Variants in DOLPP1 observed in about 807,000 individuals in gnomAD.
The protein encoded by DOLPP1 is dolichyldiphosphatase 1.
In DOLPP1, 15 loss-of-function variants were observed where a neutral mutation model predicts 34.1. The observed-to-expected ratio is 0.44, with a 90% CI of 0.29 to 0.68. DOLPP1 has a LOEUF of 0.68. Ranked by LOEUF, DOLPP1 falls within the 30% of genes least tolerant of loss-of-function variation. The pLI is 0.12. For synonymous variants in DOLPP1, 130 were observed against 128.2 expected (o/e 1.01, Z -0.10); for missense variants, 249 against 307.1 (o/e 0.81, Z 1.41).
chr9:129,085,596 C>G lies in DOLPP1; in HGVS notation c.441C>G (p.Ala147=). The G allele has an allele frequency of 6.2e-7, 1 of 1,613,064 alleles. No individual in the cohort carries two copies. Among genetic ancestry groups the G allele is most frequent in the African/African-American group, 1.3e-5 (1 of 75,036 alleles). Residue 147 remains alanine, a synonymous_variant, in exon 5 of 8, where the codon GCC becomes GCG. Coordinates refer to ENST00000372546, the MANE Select transcript of DOLPP1 (RefSeq NM_020438.5). This position sits in a 1 kb window ranked among gnomAD's most constrained non-coding sequence, Gnocchi z 7.0. ...HVLSLGLLAV[A]FLVSYSRVYL... The stretch of plus-strand genomic sequence containing the variant: ...TCTCCCTGGGACTCCTCGCTGTGGC[C>G]TTCCTAGTCTCCTACAGCAGGTATG...
At chr9:129,084,100 G>T (rs186512313) in intron 1 of DOLPP1, among the ~76,000 whole-genome samples, 2 of 152,240 alleles carry the variant, frequency 1.3e-5, no homozygotes, top group African/African-American at 4.8e-5. Context: ...GTTTCTGTCC[G>T]AGTCTTCAGT....
chr9:129,085,529 C>T lies in DOLPP1; in HGVS notation c.374C>T (p.Thr125Ile). The T allele has an allele frequency of 6.2e-7, 1 of 1,612,776 alleles. No individual in the cohort carries two copies. Among genetic ancestry groups the T allele is most frequent in the Non-Finnish European group, 8.5e-7 (1 of 1,179,558 alleles). ...FLFLYLRMHQ[T>I]NNARFLDLLW... is the part of the protein sequence containing the mutation. ...GCCTGTTTTCGCAGAATGCACCAAA[C>T]AAACAACGCCAGGTTCCTGGACTTG... Residue 125 changes from threonine (T) to isoleucine (I), a missense_variant, in exon 5 of 8, where the codon ACA (threonine) becomes ATA (isoleucine). Coordinates refer to ENST00000372546, the MANE Select transcript of DOLPP1 (RefSeq NM_020438.5). The surrounding 1 kb of genome is among the most constrained non-coding windows in gnomAD (Gnocchi z 7.0).
chr9:129,089,831 C>A lies in DOLPP1; in HGVS notation c.*824C>A, dbSNP rs925688231. ...CAGTAGCAGTTAGTCTTCATCCCCA[C>A]GTGAACAAAATGGGAAGGAGCCGTG... On this transcript the variant is annotated 3_prime_UTR_variant, in exon 8 of 8. Coordinates refer to ENST00000372546, the MANE Select transcript of DOLPP1 (RefSeq NM_020438.5). This position sits in a 1 kb window ranked among gnomAD's most constrained non-coding sequence, Gnocchi z 4.9. 1.3e-5 allele frequency: 2 copies of A among 152,588 alleles called. No homozygotes were observed. Among genetic ancestry groups the A allele is most frequent in the Non-Finnish European group, 2.9e-5 (2 of 68,076 alleles). 9.5% of individuals were successfully genotyped at this position (152,588 alleles called of 1,614,324 possible).
At chr9:129,083,750 G>A (rs1846932689) in intron 1 of DOLPP1, among the ~76,000 whole-genome samples, 1 of 152,182 alleles carries the variant, frequency 6.6e-6, no homozygotes, top group Non-Finnish European at 1.5e-5. Context: ...GTAGGAGGTA[G>A]GCACTGATAT....
In DOLPP1 at chr9:129,084,768, GGTGA is replaced by G; in HGVS notation, c.177+3_177+6del. On this transcript the variant is annotated splice_donor_variant and splice_donor_region_variant and intron_variant, in intron 2 of 7. Coordinates refer to ENST00000372546, the MANE Select transcript of DOLPP1 (RefSeq NM_020438.5). LOFTEE classifies it high-confidence loss of function. Reference sequence around the variant, plus strand: ...TCATATTTAAGCGGGAGCTGCACACGGTGAGTCTGTCTTGCCCACACCCTCCCCA... The same window carrying G: ...TCATATTTAAGCGGGAGCTGCACACGGTCTGTCTTGCCCACACCCTCCCCA... The G allele has an allele frequency of 4.4e-6, 7 of 1,607,496 alleles. No individual in the cohort carries two copies. The highest frequency in any genetic ancestry group is 6.0e-6 in the Non-Finnish European group (7 of 1,174,444).
intron 7 of DOLPP1, among the ~76,000 whole-genome samples, chr9:129,088,616 A>G (rs1847038422): frequency 6.6e-6 from 1 of 152,064 alleles, no homozygotes; most frequent in African/African-American, 2.4e-5. Context: ...ATAACAACTG[A>G]GCCCACTTGT....
chr9:129,082,406 A>G (rs1846907673), intron 1 of DOLPP1, among the ~76,000 whole-genome samples: 1 of 152,222 alleles, frequency 6.6e-6, no homozygotes. Flanking sequence ...GCCCTGGGCT[A>G]GCTCTGGTTT....
At chr9:129,087,527 A>G (rs756769069) in intron 7 of DOLPP1, among the ~76,000 whole-genome samples, 1 of 152,034 alleles carries the variant, frequency 6.6e-6, no homozygotes, top group Non-Finnish European at 1.5e-5. Context: ...CGTGTTAGCC[A>G]GGATGGTCTC....
In DOLPP1 at chr9:129,081,147, C is replaced by T. The variant is rs374119175; in HGVS notation, c.16C>T (p.Gln6Ter). 2 of 1,609,294 alleles carry T rather than the reference C, an allele frequency of 1.2e-6. No individual in the cohort carries two copies. The highest frequency in any genetic ancestry group is 1.1e-5 in the South Asian group (1 of 90,994). The change falls in exon 1 of 8, where the codon CAG becomes TAG. Residue 6 changes from glutamine (Q) to a stop codon, truncating the protein, a stop_gained. Transcript: ENST00000372546. LOFTEE classifies it high-confidence loss of function. MAADG[Q>*]CSLPASWRPV... is the part of the protein sequence containing the mutation. The stretch of plus-strand genomic sequence containing the variant: ...TCCGGGTAAGATGGCAGCGGACGGA[C>T]AGTGCTCGCTCCCCGCTTCATGGCG...
At chr9:129,086,063 G>A in intron 5 of DOLPP1, 76 bp from the exon 6 acceptor site, 2 of 1,451,562 alleles carry the variant, frequency 1.4e-6, no homozygotes, top group Non-Finnish European at 1.9e-6. Context: ...CTGGGAAGCT[G>A]GCACATGGGC....
At position 129,081,224 on chromosome 9, in the gene DOLPP1, G is replaced by C; in HGVS notation, c.76+17G>C. The stretch of plus-strand genomic sequence containing the variant: ...ATCCTGCAGGTAAAAGGCGGTCCCG[G>C]CTCCAAGGACGCCTTCCCAGGGACG... On this transcript the variant is annotated intron_variant, in intron 1 of 7. Coordinates refer to ENST00000372546, the MANE Select transcript of DOLPP1 (RefSeq NM_020438.5). The C allele has an allele frequency of 6.2e-7, 1 of 1,606,634 alleles. No individual in the cohort carries two copies. Among genetic ancestry groups the C allele is most frequent in the Non-Finnish European group, 8.5e-7 (1 of 1,178,916 alleles).
rs780805137 is a variant in DOLPP1, at chr9:129,085,335, C to G, written c.362+29C>G. ...AGTTTCCACCCCGGTCAGGATGGCCCTGAACTTGCTCAGGCCGAGTTCTGC... is the reference window on the plus strand; with the variant it reads ...AGTTTCCACCCCGGTCAGGATGGCCGTGAACTTGCTCAGGCCGAGTTCTGC... On this transcript the variant is annotated intron_variant, in intron 4 of 7. Coordinates refer to ENST00000372546, the MANE Select transcript of DOLPP1 (RefSeq NM_020438.5). The surrounding 1 kb of genome is among the most constrained non-coding windows in gnomAD (Gnocchi z 7.0). 84 of 1,598,472 alleles carry G rather than the reference C, an allele frequency of 5.3e-5. No homozygotes were observed. The highest frequency in any genetic ancestry group is 7.0e-5 in the Non-Finnish European group (82 of 1,166,072).
At chr9:129,084,816 C>CA in intron 2 of DOLPP1, 48 bp downstream of exon 2, 1 of 1,443,126 alleles carries the variant, frequency 6.9e-7, no homozygotes, top group Non-Finnish European at 9.7e-7. Flanking sequence ...CCAGTGCCCC[C>CA]ACCCTGCTTT....
At position 129,086,912 on chromosome 9, in the gene DOLPP1, C is replaced by T. The variant is rs766643134; in HGVS notation, c.680+114C>T. 7.6e-4 allele frequency: 635 copies of T among 830,214 alleles called. 3 individuals carry two copies. The highest frequency in any genetic ancestry group is 1.0e-3 in the Non-Finnish European group (500 of 497,796). The allele number at this position is 830,214 out of a possible 1,614,324, so 51.4% of individuals were successfully genotyped here. A position where few individuals can be genotyped will look rare whatever the true frequency, so the allele number is the denominator to read the frequency against. On this transcript the variant is annotated intron_variant, in intron 7 of 7. Coordinates refer to ENST00000372546, the MANE Select transcript of DOLPP1 (RefSeq NM_020438.5). The stretch of plus-strand genomic sequence containing the variant: ...TGCCTAAGCACTTCTCTTGCATTAA[C>T]TCATTGAATCCTGCTGTGACCCCCA...
Position 129,085,656 on chromosome 9 carries a change from G to A in DOLPP1, c.461+40G>A, listed in dbSNP as rs369192122. The A allele has an allele frequency of 1.2e-4, 183 of 1,534,530 alleles. No individual in the cohort carries two copies. Among genetic ancestry groups the A allele is most frequent in the Admixed American group, 2.5e-4 (14 of 55,912 alleles). ...GAGCCCCTGCCTGCACCCTGCCCAT[G>A]TGGGGTCCTGCTGGTTCCTGGTCCC... On this transcript the variant is annotated intron_variant, in intron 5 of 7. Transcript: ENST00000372546. This position sits in a 1 kb window ranked among gnomAD's most constrained non-coding sequence, Gnocchi z 7.0.
chr9:129,081,415 C>A (rs1363134270), intron 1 of DOLPP1, among the ~76,000 whole-genome samples: 2 of 152,138 alleles, frequency 1.3e-5, no homozygotes, highest in African/African-American at 4.8e-5. Flanking sequence ...GAGGCGCTCG[C>A]TCGCGCACTC....
rs910406459 is a variant in DOLPP1 at position 129,089,544 on chromosome 9, G to A, written c.*537G>A. On this transcript the variant is annotated 3_prime_UTR_variant, in exon 8 of 8. Transcript: ENST00000372546. This position sits in a 1 kb window ranked among gnomAD's most constrained non-coding sequence, Gnocchi z 4.9. ...GGCCGGGGTGGCCTGGGTGCCAGGA[G>A]GAGGGGAGCATACCCCACACCCTCC... 7.0e-5 allele frequency: 11 copies of A among 156,962 alleles called. No individual in the cohort carries two copies. Among genetic ancestry groups the A allele is most frequent in the Admixed American group, 6.7e-4 (11 of 16,432 alleles). The allele number at this position is 156,962 out of a possible 1,614,324, so 9.7% of individuals were successfully genotyped here.
At chr9:129,084,954 G>T in intron 2 of DOLPP1, 69 bp from the exon 3 acceptor site, 12 of 1,512,902 alleles carry the variant, frequency 7.9e-6, no homozygotes, top group Non-Finnish European at 1.1e-5. Flanking sequence ...CAGAGGCCAT[G>T]GTCTTTGGGA....
At position 129,081,209 on chromosome 9, in the gene DOLPP1, TA is replaced by T. The variant is rs577935259; in HGVS notation, c.76+6del. 2.9e-5 allele frequency: 46 copies of T among 1,608,570 alleles called. No homozygotes were observed. The East Asian group carries it at 9.6e-4, about 34-fold the overall frequency. ...TCACCCACGTCGAATATCCTGCAGG[TA>T]AAAGGCGGTCCCGGCTCCAAGGACG... On this transcript the variant is annotated splice_donor_region_variant and intron_variant, in intron 1 of 7. Coordinates refer to ENST00000372546, the MANE Select transcript of DOLPP1 (RefSeq NM_020438.5).
Sources: allele counts gnomAD v4.1 joint callset (sites outside exome capture counted in the v4.1 genomes callset), GRCh38; gene constraint gnomAD v4.1.1; non-coding constraint Gnocchi (gnomAD v3.1); transcripts MANE v1.5; gene names NCBI Gene and HGNC (gene_info 2026-07-23, HGNC 2026-07-21).